FBXW2: variants seen among roughly 807,000 people sequenced by gnomAD.
FBXW2 encodes the protein F-box and WD repeat domain containing 2.
FBXW2 carries 12 observed loss-of-function variants against 46.0 expected under a neutral mutation model. That is an observed-to-expected ratio of 0.26 (90% CI 0.17 to 0.42). The LOEUF (loss-of-function observed/expected upper bound fraction) is 0.42, where lower values mean the gene tolerates loss of function less well. FBXW2 is among the 10% of genes least tolerant of loss of function. The pLI is 1.00. For missense variants in FBXW2, 360 were observed against 537.0 expected, an observed-to-expected ratio of 0.67 and a Z score of 3.26; for synonymous variants, 203 against 209.6, an observed-to-expected ratio of 0.97 and a Z score of 0.27.
At chr9:120,786,573 A>T (rs1039890228) in intron 3 of FBXW2, among the ~76,000 whole-genome samples, 1 of 152,242 alleles carries the variant, frequency 6.6e-6, no homozygotes, top group Non-Finnish European at 1.5e-5. Flanking sequence ...ATTAATATGG[A>T]AATGGCTAAA....
At chr9:120,772,889 A>G in intron 5 of FBXW2, 49 bp from the exon 6 acceptor site, 2 of 1,239,538 alleles carry the variant, frequency 1.6e-6, no homozygotes, top group Non-Finnish European at 2.3e-6. Context: ...TGCTGCTCCT[A>G]TAATGATTTT....
intron 2 of FBXW2, chr9:120,792,372 G>A (rs1319831767): frequency 1.3e-5 from 2 of 152,204 alleles, no homozygotes; most frequent in Non-Finnish European, 2.9e-5. Flanking sequence ...GCACAGAGGC[G>A]CTGAAAATGT....
chr9:120,787,344 T>G (rs2044744389), intron 3 of FBXW2, among the ~76,000 whole-genome samples: 1 of 152,164 alleles, frequency 6.6e-6, no homozygotes, highest in Non-Finnish European at 1.5e-5. Context: ...TCCCATATTT[T>G]AAAGATACAG....
intron 2 of FBXW2, among the ~76,000 whole-genome samples, chr9:120,789,296 T>C (rs934009567): frequency 2.0e-4 from 30 of 152,142 alleles, no homozygotes; most frequent in African/African-American, 7.2e-4. Context: ...GATCTGGAGG[T>C]AGTGTGTCTA....
chr9:120,789,825 T>C (rs1167755526), intron 2 of FBXW2, among the ~76,000 whole-genome samples: 1 of 152,254 alleles, frequency 6.6e-6, no homozygotes, highest in Admixed American at 6.5e-5. Flanking sequence ...GATTTATTAG[T>C]AGAAGCAACC....
chr9:120,787,402 A>C (rs1379517180), intron 3 of FBXW2, among the ~76,000 whole-genome samples: 1 of 152,234 alleles, frequency 6.6e-6, no homozygotes, highest in African/African-American at 2.4e-5. Context: ...TGCTAGGATT[A>C]GATACCAATT....
Position 120,764,538 on chromosome 9 carries a change from C to A in FBXW2, c.*21G>T. On this transcript the variant is annotated 3_prime_UTR_variant, in exon 8 of 8. Coordinates refer to ENST00000608872, the MANE Select transcript of FBXW2 (RefSeq NM_012164.4). ...CGCAGCCCCGGCACCCAAAGTCAGT[C>A]AGCGGTGGTGGCTCATGGTGTCAGC... The A allele has an allele frequency of 6.3e-7, 1 of 1,598,174 alleles. No homozygotes were observed.
At chr9:120,771,267 A>C in intron 7 of FBXW2, 81 bp downstream of exon 7, 1 of 1,356,316 alleles carries the variant, frequency 7.4e-7, no homozygotes, top group Non-Finnish European at 1.0e-6. Flanking sequence ...TGACTGGTAC[A>C]TCCAAACATT....
At chr9:120,771,934 C>T (rs1408583994) in intron 6 of FBXW2, among the ~76,000 whole-genome samples, 1 of 151,760 alleles carries the variant, frequency 6.6e-6, no homozygotes, top group Non-Finnish European at 1.5e-5. Context: ...TAGCACACGC[C>T]TGTAATCCCA....
chr9:120,774,011 C>A (rs1357569102), intron 5 of FBXW2, among the ~76,000 whole-genome samples: 1 of 151,576 alleles, frequency 6.6e-6, no homozygotes, highest in Admixed American at 6.6e-5. Context: ...GGCAACACAG[C>A]AAGACCCCCA....
At position 120,763,546 on chromosome 9, in the gene FBXW2, T is replaced by C. The variant is rs1327603246; in HGVS notation, c.*1013A>G. Reference sequence around the variant, plus strand: ...AGTGGAATCAGCTATATTTTCTACATTTCCCTTTTATTCATCCTTTTCATA... The same window carrying C: ...AGTGGAATCAGCTATATTTTCTACACTTCCCTTTTATTCATCCTTTTCATA... On this transcript the variant is annotated 3_prime_UTR_variant, in exon 8 of 8. Coordinates refer to ENST00000608872, the MANE Select transcript of FBXW2 (RefSeq NM_012164.4). 6.6e-6 allele frequency: 1 copy of C among 152,230 alleles called. No individual in the cohort carries two copies. The highest frequency in any genetic ancestry group is 1.9e-4 in the East Asian group (1 of 5,204). 9.4% of individuals were successfully genotyped at this position (152,230 alleles called of 1,614,324 possible). A position where few individuals can be genotyped will look rare whatever the true frequency, so the allele number is the denominator to read the frequency against.
chr9:120,764,558 G>A lies in FBXW2; in HGVS notation c.*1C>T, dbSNP rs767256997. 2 of 1,606,996 alleles carry A rather than the reference G, an allele frequency of 1.2e-6. No individual in the cohort carries two copies. The highest frequency in any genetic ancestry group is 2.2e-5 in the South Asian group (2 of 90,936). The stretch of plus-strand genomic sequence containing the variant: ...TCAGTCAGCGGTGGTGGCTCATGGT[G>A]TCAGCCGTGCTCCTTCCACAACACC... On this transcript the variant is annotated 3_prime_UTR_variant, in exon 8 of 8. Transcript: ENST00000608872.
In FBXW2 at chr9:120,776,251, T is replaced by G. The variant is rs912915592; in HGVS notation, c.686-25A>C. On this transcript the variant is annotated intron_variant, in intron 4 of 7. Transcript: ENST00000608872. ...ACTAGTGCATATAATTACACAAAGTTAAAACATGTCTCTGTCAGTGGGTCT... is the reference window on the plus strand; with the variant it reads ...ACTAGTGCATATAATTACACAAAGTGAAAACATGTCTCTGTCAGTGGGTCT... The G allele has an allele frequency of 3.1e-6, 5 of 1,608,278 alleles. No individual in the cohort carries two copies. In the African/African-American group the frequency reaches 5.4e-5, roughly 17 times the overall value.
At chr9:120,792,985 C>T in intron 2 of FBXW2, 164 bp downstream of exon 2, 2 of 1,532,442 alleles carry the variant, frequency 1.3e-6, no homozygotes, top group Non-Finnish European at 1.7e-6. Context: ...GTTTGGTAGC[C>T]CTGGGACATC....
intron 7 of FBXW2, among the ~76,000 whole-genome samples, chr9:120,769,574 T>G (rs1378469200): frequency 1.3e-5 from 2 of 152,188 alleles, no homozygotes; most frequent in Admixed American, 1.3e-4. Flanking sequence ...ACCTAAAATT[T>G]TAATTCAAAA....
chr9:120,771,402 C>G lies in FBXW2; in HGVS notation c.1022G>C (p.Cys341Ser). Residue 341 changes from cysteine to serine, a missense_variant, in exon 7 of 8, where the codon TGT (cysteine) becomes TCT (serine). By Grantham distance (112) the Cys-to-Ser change is moderately radical (BLOSUM62 -1). Coordinates refer to ENST00000608872, the MANE Select transcript of FBXW2 (RefSeq NM_012164.4). ...RLHFDGKYIV[C>S]SSALGLYQWD... ...CTGGTAGAGACCAAGTGCTGAACTACAGACAATGTATTTGCCATCAAAATG... is the reference window on the plus strand; with the variant it reads ...CTGGTAGAGACCAAGTGCTGAACTAGAGACAATGTATTTGCCATCAAAATG... 2 of 1,614,176 alleles carry G rather than the reference C, an allele frequency of 1.2e-6. No homozygotes were observed. Among genetic ancestry groups the G allele is most frequent in the Non-Finnish European group, 1.7e-6 (2 of 1,180,012 alleles).
intron 5 of FBXW2, 93 bp downstream of exon 5, chr9:120,776,000 A>T: frequency 6.8e-7 from 1 of 1,460,796 alleles, no homozygotes; most frequent in Non-Finnish European, 9.3e-7. Flanking sequence ...CCATCTTATG[A>T]CTCACCTAAC....
chr9:120,778,276 G>A, intron 4 of FBXW2, 75 bp downstream of exon 4: 1 of 1,191,108 alleles, frequency 8.4e-7, no homozygotes, highest in Non-Finnish European at 1.2e-6. Context: ...AAAAAAAAAA[G>A]CATTTCACAT....
chr9:120,763,174 T>C lies in FBXW2; in HGVS notation c.*1385A>G, dbSNP rs568972286. 1 of 152,344 alleles carries C rather than the reference T, an allele frequency of 6.6e-6. No homozygotes were observed. The highest frequency in any genetic ancestry group is 2.1e-4 in the South Asian group (1 of 4,826). The allele number at this position is 152,344 out of a possible 1,614,324, so 9.4% of individuals were successfully genotyped here. On this transcript the variant is annotated 3_prime_UTR_variant, in exon 8 of 8. Transcript: ENST00000608872. The stretch of plus-strand genomic sequence containing the variant: ...ATGTGAAGACCTGCCAACCCTGGGC[T>C]TGCTTCTCCTAATGACAAAACAGAG...
Sources: allele counts gnomAD v4.1 joint callset (sites outside exome capture counted in the v4.1 genomes callset), GRCh38; gene constraint gnomAD v4.1.1; transcripts MANE v1.5; gene names NCBI Gene and HGNC (gene_info 2026-07-23, HGNC 2026-07-21).